The following UBE2D2 variants were observed in gnomAD, a reference collection of about 807,000 sequenced individuals.
UBE2D2 encodes the protein ubiquitin conjugating enzyme E2 D2.
UBE2D2 carries 2 observed loss-of-function variants against 24.2 expected under a neutral mutation model. The observed-to-expected ratio is 0.08, with a 90% CI of 0.03 to 0.26. UBE2D2 has a LOEUF of 0.26. UBE2D2 is among the 10% of genes least tolerant of loss of function. UBE2D2 has a pLI of 1.00. For missense variants in UBE2D2, 44 were observed against 177.6 expected, an observed-to-expected ratio of 0.25 and a Z score of 4.28; for synonymous variants, 58 against 56.5, an observed-to-expected ratio of 1.03 and a Z score of -0.12.
rs567156194 is a variant in UBE2D2 at position 139,531,805 on chromosome 5, T to TACAAAA, written c.-64+5219_-64+5224dup. 8.5e-4 allele frequency among the ~76,000 whole-genome samples: 129 copies of TACAAAA among 151,578 alleles called. No individual in the cohort carries two copies. In the Middle Eastern group the frequency reaches 0.01, roughly 12 times the overall value. On this transcript the variant is annotated intron_variant, in intron 1 of 6. Coordinates refer to the UBE2D2 transcript ENST00000511725. ...TGTGGGACCTTGTCTCTACAAAAAA[T>TACAAAA]ACAAAAACAAAAACAAAAACAAAAA... is the stretch of plus-strand genomic sequence containing the variant.
intron 1 of UBE2D2, among the ~76,000 whole-genome samples, chr5:139,572,993 CAG>C (rs1005099997): frequency 2.8e-4 from 42 of 152,026 alleles, no homozygotes; most frequent in African/African-American, 9.4e-4. Flanking sequence ...ATGTCACAAA[CAG>C]AATTATTAAG....
In UBE2D2 at chr5:139,614,520, T is replaced by C. The variant is rs146104124; in HGVS notation, c.89-66T>C. 99 of 1,562,550 alleles carry C rather than the reference T, an allele frequency of 6.3e-5. 1 individual carries two copies. Among genetic ancestry groups the C allele is most frequent in the South Asian group, 3.5e-4 (31 of 88,508 alleles). ...AATTTGGATTAGAAGGGGAATGATA[T>C]GTTACTATGGCGTAGATACAATGTA... On this transcript the variant is annotated intron_variant, in intron 2 of 6. Coordinates refer to ENST00000398733, the MANE Select transcript of UBE2D2 (RefSeq NM_003339.3).
intron 6 of UBE2D2, among the ~76,000 whole-genome samples, chr5:139,625,124 C>T (rs1006494239): frequency 6.6e-6 from 1 of 150,812 alleles, no homozygotes; most frequent in Non-Finnish European, 1.5e-5. Flanking sequence ...GTGGCACAAT[C>T]GTGGCTCACT....
chr5:139,621,068 A>T (rs1327883353), intron 5 of UBE2D2, among the ~76,000 whole-genome samples: 1 of 152,182 alleles, frequency 6.6e-6, no homozygotes, highest in Non-Finnish European at 1.5e-5. Flanking sequence ...AACATGGCAA[A>T]ACCCAACCTC....
chr5:139,539,432 G>C (rs2126631341), intron 1 of UBE2D2, among the ~76,000 whole-genome samples: 1 of 152,228 alleles, frequency 6.6e-6, no homozygotes, highest in African/African-American at 2.4e-5. Flanking sequence ...AGGGCTTAGG[G>C]AGATAGGGGT....
At chr5:139,607,636 A>G (rs1754226993) in intron 2 of UBE2D2, among the ~76,000 whole-genome samples, 1 of 152,246 alleles carries the variant, frequency 6.6e-6, no homozygotes, top group East Asian at 1.9e-4. Flanking sequence ...TGTTAAACAG[A>G]TATGATCTAC....
intron 1 of UBE2D2, among the ~76,000 whole-genome samples, chr5:139,579,007 G>C (rs1753540800): frequency 6.6e-6 from 1 of 152,118 alleles, no homozygotes; most frequent in South Asian, 2.1e-4. Context: ...TCACTCTGTT[G>C]CCCAGGCTGG....
chr5:139,586,629 G>A (rs1753732054), intron 1 of UBE2D2, among the ~76,000 whole-genome samples: 1 of 152,172 alleles, frequency 6.6e-6, no homozygotes, highest in Non-Finnish European at 1.5e-5. Context: ...GCCGGGCGTG[G>A]TGGTGGGTGC....
intron 5 of UBE2D2, among the ~76,000 whole-genome samples, chr5:139,617,135 A>C (rs1040647350): frequency 1.7e-4 from 26 of 151,788 alleles, no homozygotes; most frequent in Non-Finnish European, 2.9e-4. Context: ...GTGAGTCAAG[A>C]TGGTACCATT....
chr5:139,590,826 G>T (rs1287661260), intron 1 of UBE2D2, among the ~76,000 whole-genome samples: 1 of 83,904 alleles, frequency 1.2e-5, no homozygotes, highest in Admixed American at 2.0e-4. Context: ...ATGTAGTCTT[G>T]CTCTGTCGCC....
chr5:139,537,519 C>T (rs185323028), intron 1 of UBE2D2, among the ~76,000 whole-genome samples: 10 of 151,922 alleles, frequency 6.6e-5, no homozygotes, highest in Admixed American at 2.6e-4. Flanking sequence ...TCTGTCACCC[C>T]GGCTGGAGTG....
chr5:139,624,447 G>A (rs1754574475), intron 6 of UBE2D2, among the ~76,000 whole-genome samples: 1 of 152,162 alleles, frequency 6.6e-6, no homozygotes, highest in African/African-American at 2.4e-5. Flanking sequence ...TCTGTTTTAT[G>A]TAGTATTCAG....
chr5:139,571,537 G>A (rs1005817969), intron 1 of UBE2D2, among the ~76,000 whole-genome samples: 2 of 152,046 alleles, frequency 1.3e-5, no homozygotes, highest in African/African-American at 4.8e-5. Context: ...TAAGGAAACA[G>A]TGGGAGAAAT....
intron 1 of UBE2D2, among the ~76,000 whole-genome samples, chr5:139,597,104 C>T (rs1753978865): frequency 6.6e-6 from 1 of 151,648 alleles, no homozygotes; most frequent in African/African-American, 2.4e-5. Flanking sequence ...ATTACAGTAA[C>T]ATTTAGTGTA....
At chr5:139,551,675 C>T (rs368008864) in intron 1 of UBE2D2, among the ~76,000 whole-genome samples, 14 of 152,200 alleles carry the variant, frequency 9.2e-5, no homozygotes, top group African/African-American at 2.4e-4. Context: ...GATCTCTGCC[C>T]TCCAGAAACT....
chr5:139,544,413 G>A (rs985756982), intron 1 of UBE2D2, among the ~76,000 whole-genome samples: 3 of 148,998 alleles, frequency 2.0e-5, no homozygotes, highest in Non-Finnish European at 3.0e-5. Context: ...TCAGCCTCCC[G>A]AAGTAGCTGG....
intron 2 of UBE2D2, chr5:139,612,221 A>T (rs1232089143): frequency 6.5e-6 from 1 of 153,338 alleles, no homozygotes. Flanking sequence ...TTTGCTAATC[A>T]GAATTCAGTG....
intron 1 of UBE2D2, among the ~76,000 whole-genome samples, chr5:139,538,820 C>T (rs547110862): frequency 8.3e-4 from 124 of 149,552 alleles, no homozygotes; most frequent in African/African-American, 2.7e-3. Flanking sequence ...TTGCGGTGAG[C>T]GATCATGCCA....
intron 1 of UBE2D2, among the ~76,000 whole-genome samples, chr5:139,593,185 A>G (rs867145979): frequency 3.3e-5 from 5 of 151,002 alleles, no homozygotes; most frequent in South Asian, 2.1e-4. Flanking sequence ...TAGTAGAGAC[A>G]GGGTTTCACC....
Sources: allele counts gnomAD v4.1 joint callset (sites outside exome capture counted in the v4.1 genomes callset), GRCh38; gene constraint gnomAD v4.1.1; transcripts MANE v1.5; gene names NCBI Gene and HGNC (gene_info 2026-07-23, HGNC 2026-07-21).